The following COL4A3 variants were observed in gnomAD, a reference collection of about 807,000 sequenced individuals.
The protein encoded by COL4A3 is collagen type IV alpha 3 chain.
In COL4A3, 135 loss-of-function variants were observed where a neutral mutation model predicts 217.4. That is an observed-to-expected ratio of 0.62 (90% confidence interval 0.54 to 0.72). COL4A3 has a LOEUF of 0.72. COL4A3 is among the 30% of genes least tolerant of loss of function. The pLI is 0.00. For missense variants in COL4A3, 1,868 were observed against 2,119.9 expected, an observed-to-expected ratio of 0.88 and a Z score of 2.33; for synonymous variants, 690 against 736.3, an observed-to-expected ratio of 0.94 and a Z score of 1.02.
chr2:227,228,288 G>A (rs2125848554), intron 1 of COL4A3, among the ~76,000 whole-genome samples: 1 of 152,388 alleles, frequency 6.6e-6, no homozygotes, highest in East Asian at 1.9e-4. Context: ...CATGGTGCCA[G>A]GGCACATGGT....
At chr2:227,171,124 G>C (rs2065459015) in intron 1 of COL4A3, among the ~76,000 whole-genome samples, 1 of 152,146 alleles carries the variant, frequency 6.6e-6, no homozygotes. Context: ...TCGGGTCAAG[G>C]AACAGCACAC....
intron 1 of COL4A3, among the ~76,000 whole-genome samples, chr2:227,226,862 A>G (rs1206396173): frequency 6.6e-6 from 1 of 152,256 alleles, no homozygotes; most frequent in Non-Finnish European, 1.5e-5. Flanking sequence ...TTTCCCATAA[A>G]GAGCCACGTA....
intron 8 of COL4A3, 121 bp from the exon 9 acceptor site, chr2:227,248,322 C>A: frequency 1.3e-6 from 1 of 755,010 alleles, no homozygotes; most frequent in South Asian, 1.4e-5. Context: ...TAAATCATTT[C>A]TCTGAGTACA....
chr2:227,203,201 ATG>A (rs1180738714), intron 1 of COL4A3, among the ~76,000 whole-genome samples: 1 of 28,804 alleles, frequency 3.5e-5, no homozygotes, highest in Non-Finnish European at 6.0e-5. Context: ...ATATACATAT[ATG>A]TGTATATACA....
intron 11 of COL4A3, among the ~76,000 whole-genome samples, chr2:227,252,590 A>G (rs934963717): frequency 7.3e-4 from 16 of 22,028 alleles, no homozygotes; most frequent in African/African-American, 2.9e-3. Context: ...ACAAATGCAC[A>G]CACACACACA....
In COL4A3 at chr2:227,295,254, G is replaced by T; in HGVS notation, c.3518-15G>T. On this transcript the variant is annotated splice_polypyrimidine_tract_variant and intron_variant, in intron 40 of 51. Transcript: ENST00000396578. Reference sequence around the variant, plus strand: ...AATTGACCAATTATTAACATGCCAAGATTATCTCTTTCAGGTTTATTGAGG... The same window carrying T: ...AATTGACCAATTATTAACATGCCAATATTATCTCTTTCAGGTTTATTGAGG... 1.2e-6 allele frequency: 2 copies of T among 1,613,722 alleles called. No individual in the cohort carries two copies. The highest frequency in any genetic ancestry group is 1.7e-6 in the Non-Finnish European group (2 of 1,179,658).
rs767249276 is a variant in COL4A3 at position 227,307,769 on chromosome 2, C to A, written c.4312C>A (p.Pro1438Thr). Reference protein sequence around the residue: ...LKGKRGDSGSPATWTTRGFVF... With the variant: ...LKGKRGDSGSTATWTTRGFVF... ...AGGAAAACGTGGAGACAGTGGATCA[C>A]CTGCAACCTGGACAACGAGAGGCTT... The change falls in exon 48 of 52, where the codon CCT (proline) becomes ACT (threonine). Residue 1438 changes from proline (P) to threonine (T), a missense_variant. Around this residue, in one of 2 missense-constraint regions of COL4A3, gnomAD observed 1,503 missense variants for 1,786.1 expected, o/e 0.84. Coordinates refer to ENST00000396578, the MANE Select transcript of COL4A3 (RefSeq NM_000091.5). The A allele has an allele frequency of 6.2e-7, 1 of 1,614,186 alleles. No individual in the cohort carries two copies. Among genetic ancestry groups the A allele is most frequent in the South Asian group, 1.1e-5 (1 of 91,082 alleles).
At chr2:227,296,155 A>G (rs1001403906) in intron 41 of COL4A3, 2 of 152,232 alleles carry the variant, frequency 1.3e-5, no homozygotes, top group African/African-American at 4.8e-5. Flanking sequence ...GTGTAAAAGT[A>G]GACAAGAGCT....
chr2:227,232,098 G>C (rs2068439818), intron 1 of COL4A3, among the ~76,000 whole-genome samples: 1 of 152,094 alleles, frequency 6.6e-6, no homozygotes, highest in Non-Finnish European at 1.5e-5. Context: ...ATTTAACATA[G>C]TGATCTCCAG....
chr2:227,195,654 CATAT>C (rs113636594), intron 1 of COL4A3, among the ~76,000 whole-genome samples: 3 of 143,198 alleles, frequency 2.1e-5, no homozygotes, highest in African/African-American at 5.3e-5. Flanking sequence ...GTCTATGCCA[CATAT>C]ATATATATAT....
At chr2:227,279,282 T>TGTATTTTTA (rs2106143165) in intron 28 of COL4A3, among the ~76,000 whole-genome samples, 1 of 152,132 alleles carries the variant, frequency 6.6e-6, no homozygotes, top group African/African-American at 2.4e-5. Flanking sequence ...TTGTTGTTTT[T>TGTATTTTTA]GTATTTTTAG....
rs769177741 is a variant in COL4A3 at position 227,280,512 on chromosome 2, G to A, written c.2296G>A (p.Glu766Lys). Residue 766 changes from glutamate to lysine, a missense_variant, in exon 30 of 52, where the codon GAA becomes AAA. Around this residue, in one of 2 missense-constraint regions of COL4A3, gnomAD observed 1,503 missense variants for 1,786.1 expected, o/e 0.84. Coordinates refer to ENST00000396578, the MANE Select transcript of COL4A3 (RefSeq NM_000091.5). The part of the protein sequence containing the change: ...GFPGERGNSG[E>K]HGEIGLPGLP... ...TCCAGGAGAAAGAGGCAATTCTGGG[G>A]AACATGGAGAAATTGGACTCCCTGG... 3.7e-5 allele frequency: 59 copies of A among 1,614,142 alleles called. No individual in the cohort carries two copies. The highest frequency in any genetic ancestry group is 4.6e-5 in the Non-Finnish European group (54 of 1,180,002).
chr2:227,232,888 A>C (rs10180555), intron 1 of COL4A3, among the ~76,000 whole-genome samples: 48,771 of 152,158 alleles, frequency 0.32, 8,257 homozygotes, highest in Non-Finnish European at 0.36. Flanking sequence ...ATTAAGAGAA[A>C]AACTATTCAA....
rs2066244424 is a variant in COL4A3 at position 227,191,591 on chromosome 2, T to C, written c.87+26778T>C. 6.6e-6 allele frequency among the ~76,000 whole-genome samples: 1 copy of C among 152,100 alleles called. No homozygotes were observed. On this transcript the variant is annotated intron_variant, in intron 1 of 51. Transcript: ENST00000396578. This position sits in a 1 kb window ranked among gnomAD's most constrained non-coding sequence, Gnocchi z 6.8. ...TGGGAGATTACAGTGACTCAGCAAA[T>C]CAGGATGATCAGATTTCAAAGTCGG...
chr2:227,174,740 G>A (rs1047820029), intron 1 of COL4A3, among the ~76,000 whole-genome samples: 8 of 152,210 alleles, frequency 5.3e-5, no homozygotes, highest in South Asian at 2.1e-4. Flanking sequence ...CTCCTGACCC[G>A]AAGTGATCCG....
chr2:227,192,440 A>G (rs1227088459), intron 1 of COL4A3, among the ~76,000 whole-genome samples: 1 of 12,042 alleles, frequency 8.3e-5, no homozygotes, highest in East Asian at 0.024. Context: ...ATGAAAACCA[A>G]CCTTTTCATC....
chr2:227,269,875 A>G, intron 23 of COL4A3, 35 bp from the exon 24 acceptor site: 2 of 1,591,662 alleles, frequency 1.3e-6, no homozygotes, highest in Non-Finnish European at 8.6e-7. Flanking sequence ...GTTGGCGTTC[A>G]ATGAGGAGTT....
chr2:227,265,872 T>G (rs985757627), intron 21 of COL4A3: 2 of 158,394 alleles, frequency 1.3e-5, no homozygotes, highest in Non-Finnish European at 2.8e-5. Flanking sequence ...TCAGTAAACT[T>G]ACACTCGTGG....
At chr2:227,192,160 A>G (rs1409507914) in intron 1 of COL4A3, among the ~76,000 whole-genome samples, 1 of 152,228 alleles carries the variant, frequency 6.6e-6, no homozygotes, top group East Asian at 1.9e-4. Flanking sequence ...GCAAAACGTC[A>G]TTGAAAAACA....
Sources: allele counts gnomAD v4.1 joint callset (sites outside exome capture counted in the v4.1 genomes callset), GRCh38; gene constraint gnomAD v4.1.1; regional missense constraint gnomAD v4.1.1; non-coding constraint Gnocchi (gnomAD v3.1); transcripts MANE v1.5; gene names NCBI Gene and HGNC (gene_info 2026-07-23, HGNC 2026-07-21).